Variants in MAPKAP1 observed in about 807,000 individuals in gnomAD.
MAPKAP1 encodes target of rapamycin complex 2 subunit MAPKAP1.
In MAPKAP1, 20 loss-of-function variants were observed where a neutral mutation model predicts 65.7. The ratio of observed to expected loss-of-function variants is 0.30; its 90% CI spans 0.21 to 0.44. The LOEUF is 0.44. MAPKAP1 is among the 20% of genes least tolerant of loss of function. The pLI is 1.00. For synonymous variants in MAPKAP1, 222 were observed against 244.3 expected, an observed-to-expected ratio of 0.91 and a Z score of 0.85; for missense variants, 423 against 648.0, an observed-to-expected ratio of 0.65 and a Z score of 3.77.
chr9:125,455,622 A>C (rs754850071), intron 10 of MAPKAP1, among the ~76,000 whole-genome samples: 8 of 152,026 alleles, frequency 5.3e-5, no homozygotes, highest in Non-Finnish European at 8.8e-5. Context: ...TGGTTGAGGG[A>C]ATAACATTTC....
At chr9:125,672,995 TA>T (rs1834538429) in intron 1 of MAPKAP1, among the ~76,000 whole-genome samples, 1 of 152,228 alleles carries the variant, frequency 6.6e-6, no homozygotes, top group African/African-American at 2.4e-5. Context: ...CTCATTACTT[TA>T]TAAGGTCATG....
intron 8 of MAPKAP1, among the ~76,000 whole-genome samples, chr9:125,496,932 G>A (rs1302564071): frequency 6.6e-6 from 1 of 152,132 alleles, no homozygotes; most frequent in Non-Finnish European, 1.5e-5. Context: ...GGATGCAGAG[G>A]GGACTCAGAC....
chr9:125,679,806 A>C (rs1834767290), intron 1 of MAPKAP1, among the ~76,000 whole-genome samples: 1 of 152,300 alleles, frequency 6.6e-6, no homozygotes, highest in African/African-American at 2.4e-5. Flanking sequence ...CCCTTCCTGG[A>C]CTTTCTCAAA....
intron 4 of MAPKAP1, among the ~76,000 whole-genome samples, chr9:125,606,624 A>AGGCAGAGTTG (rs1832446911): frequency 1.3e-5 from 2 of 152,208 alleles, no homozygotes; most frequent in African/African-American, 4.8e-5. Flanking sequence ...CAGACAATGA[A>AGGCAGAGTTG]AACTGGGTTG....
intron 1 of MAPKAP1, among the ~76,000 whole-genome samples, chr9:125,681,977 G>C (rs58352871): frequency 0.02 from 2,987 of 152,182 alleles, 163 homozygotes; most frequent in East Asian, 0.15. Context: ...CCCCAGGCTA[G>C]TCTCAAACTC....
At chr9:125,698,187 A>G (rs1314101037) in intron 1 of MAPKAP1, among the ~76,000 whole-genome samples, 1 of 146,788 alleles carries the variant, frequency 6.8e-6, no homozygotes, top group African/African-American at 2.5e-5. Context: ...ATATATATAT[A>G]CACACACATA....
intron 6 of MAPKAP1, among the ~76,000 whole-genome samples, chr9:125,553,370 C>T (rs1830640403): frequency 6.6e-6 from 1 of 151,864 alleles, no homozygotes; most frequent in Non-Finnish European, 1.5e-5. Flanking sequence ...GGCGAAAACC[C>T]ATCTCTACTA....
chr9:125,551,162 T>C (rs1383384606), intron 6 of MAPKAP1, among the ~76,000 whole-genome samples: 1 of 152,168 alleles, frequency 6.6e-6, no homozygotes, highest in African/African-American at 2.4e-5. Flanking sequence ...AATGAGTGTG[T>C]GAAAATATTC....
At chr9:125,523,105 C>A (rs1829666772) in intron 7 of MAPKAP1, among the ~76,000 whole-genome samples, 1 of 152,170 alleles carries the variant, frequency 6.6e-6, no homozygotes, top group East Asian at 1.9e-4. Context: ...CAATCCCCAG[C>A]CAACCAAAAA....
chr9:125,535,767 T>C (rs552629130), intron 7 of MAPKAP1, among the ~76,000 whole-genome samples: 8 of 152,356 alleles, frequency 5.3e-5, no homozygotes, highest in Admixed American at 4.6e-4. Context: ...AATTATTTCC[T>C]GAGAAGCTAT....
chr9:125,640,987 A>G (rs966005288), intron 4 of MAPKAP1, among the ~76,000 whole-genome samples: 2 of 152,240 alleles, frequency 1.3e-5, no homozygotes, highest in Admixed American at 1.3e-4. Context: ...CTGGATTCAA[A>G]GCTGGCCCTA....
chr9:125,622,593 G>A (rs1404203911), intron 4 of MAPKAP1, among the ~76,000 whole-genome samples: 6 of 151,802 alleles, frequency 4.0e-5, no homozygotes, highest in African/African-American at 4.8e-5. Flanking sequence ...TTGCAGGCGG[G>A]CACCACCATG....
At chr9:125,475,344 A>G (rs994680053) in intron 9 of MAPKAP1, among the ~76,000 whole-genome samples, 1 of 152,230 alleles carries the variant, frequency 6.6e-6, no homozygotes, top group African/African-American at 2.4e-5. Flanking sequence ...TGACAAAACC[A>G]TATTTCAGGT....
intron 9 of MAPKAP1, among the ~76,000 whole-genome samples, chr9:125,481,019 CCAGA>C (rs1005381972): frequency 1.0e-4 from 15 of 149,374 alleles, no homozygotes; most frequent in Non-Finnish European, 1.5e-4. Flanking sequence ...CTTCTATGGG[CCAGA>C]CACTTTCATA....
At chr9:125,706,682 A>G (rs1238527038) in intron 1 of MAPKAP1, among the ~76,000 whole-genome samples, 3 of 151,960 alleles carry the variant, frequency 2.0e-5, no homozygotes, top group Non-Finnish European at 4.4e-5. Flanking sequence ...GGGCACCTAG[A>G]TATTGCCAAG....
At chr9:125,669,674 A>G in intron 3 of MAPKAP1, 144 bp downstream of exon 3, 1 of 457,988 alleles carries the variant, frequency 2.2e-6, no homozygotes, top group East Asian at 3.9e-5. Context: ...GGGTCAAGGC[A>G]CACAAGAGAA....
Position 125,465,909 on chromosome 9 carries a change from G to A in MAPKAP1, c.1345+2063C>T, listed in dbSNP as rs554607624. On this transcript the variant is annotated intron_variant, in intron 10 of 11. Transcript: ENST00000265960. ...GTAAGTTAGAGAGGGGGTCAGGTTC[G>A]AAAGGCATATTCCAGGCAGTGGGAA... 5.3e-5 allele frequency among the ~76,000 whole-genome samples: 8 copies of A among 152,284 alleles called. No homozygotes were observed. The South Asian group carries it at 1.2e-3, about 24-fold the overall frequency.
Position 125,672,620 on chromosome 9 carries a change from A to T in MAPKAP1, c.-46T>A, listed in dbSNP as rs978727999. ...CTTAAAAGGCTATTTTCTCCTCTTC[A>T]TATTGTTTCACGAGCTCACCTACCT... On this transcript the variant is annotated 5_prime_UTR_variant, in exon 2 of 12. It removes an upstream start codon present in the reference 5' UTR. Coordinates refer to ENST00000265960, the MANE Select transcript of MAPKAP1 (RefSeq NM_001006617.3). The T allele has an allele frequency of 6.3e-7, 1 of 1,599,476 alleles. No homozygotes were observed. The highest frequency in any genetic ancestry group is 8.5e-7 in the Non-Finnish European group (1 of 1,170,708).
At chr9:125,524,532 T>C (rs1197530983) in intron 7 of MAPKAP1, among the ~76,000 whole-genome samples, 1 of 152,244 alleles carries the variant, frequency 6.6e-6, no homozygotes, top group East Asian at 1.9e-4. Context: ...AAGCCAATTG[T>C]GACTTACAAC....
Sources: allele counts gnomAD v4.1 joint callset (sites outside exome capture counted in the v4.1 genomes callset), GRCh38; gene constraint gnomAD v4.1.1; transcripts MANE v1.5; gene names NCBI Gene and HGNC (gene_info 2026-07-23, HGNC 2026-07-21).